AGBL4: variants seen among roughly 807,000 people sequenced by gnomAD.
AGBL4 encodes AGBL carboxypeptidase 4.
Under a neutral mutation model 66.4 loss-of-function variants are expected in AGBL4, and 58 were observed. The observed-to-expected ratio is 0.87, with a 90% CI of 0.71 to 1.09. The LOEUF is 1.09. AGBL4 is among the 50% of genes least tolerant of loss of function. The probability of loss-of-function intolerance (pLI) is 0.00; values close to 1 mark genes in which losing one functional copy is unlikely to be tolerated. For missense variants in AGBL4, 579 were observed against 631.0 expected (o/e 0.92, Z 0.88); for synonymous variants, 234 against 222.9 (o/e 1.05, Z -0.44).
At chr1:49,845,648 C>A in intron 2 of AGBL4, 1 of 1,608,190 alleles carries the variant, frequency 6.2e-7, no homozygotes. Flanking sequence ...AGGACCCACA[C>A]AGGAGAAAAG....
chr1:48,865,387 C>T (rs1647945341), intron 6 of AGBL4, among the ~76,000 whole-genome samples: 1 of 152,130 alleles, frequency 6.6e-6, no homozygotes, highest in African/African-American at 2.4e-5. Flanking sequence ...ACCTGTGTCC[C>T]TGAGAGCTGA....
At chr1:49,457,569 G>A (rs1054786906) in intron 3 of AGBL4, among the ~76,000 whole-genome samples, 1 of 151,560 alleles carries the variant, frequency 6.6e-6, no homozygotes, top group African/African-American at 2.4e-5. Flanking sequence ...GTTTAACTCG[G>A]TTCCATCTTT....
chr1:48,715,587 A>C (rs142379474), intron 6 of AGBL4, among the ~76,000 whole-genome samples: 1 of 152,170 alleles, frequency 6.6e-6, no homozygotes, highest in Admixed American at 6.5e-5. Context: ...TGAGTGAATA[A>C]ACATTTGAGA....
chr1:49,570,247 C>T (rs1181978779), intron 3 of AGBL4, among the ~76,000 whole-genome samples: 1 of 152,012 alleles, frequency 6.6e-6, no homozygotes, highest in Non-Finnish European at 1.5e-5. Flanking sequence ...ACATCTGTTG[C>T]TGACTTTTTA....
intron 2 of AGBL4, among the ~76,000 whole-genome samples, chr1:49,702,230 C>T (rs1227988388): frequency 6.6e-6 from 1 of 152,122 alleles, no homozygotes; most frequent in East Asian, 1.9e-4. Context: ...TGGTGGCTCA[C>T]ACCTGTAATC....
At chr1:49,697,635 G>A (rs1042651977) in intron 2 of AGBL4, among the ~76,000 whole-genome samples, 198 bp from the exon 3 acceptor site, 1 of 152,102 alleles carries the variant, frequency 6.6e-6, no homozygotes, top group Non-Finnish European at 1.5e-5. Flanking sequence ...GCCAGGCTGT[G>A]GTGCAAGCTT....
intron 3 of AGBL4, among the ~76,000 whole-genome samples, chr1:49,261,232 C>T (rs567175317): frequency 6.6e-6 from 1 of 151,250 alleles, no homozygotes; most frequent in African/African-American, 2.4e-5. Flanking sequence ...GGAAGCATTC[C>T]CTTTGAAAAC....
chr1:49,334,039 T>C (rs1645386419), intron 3 of AGBL4, among the ~76,000 whole-genome samples: 1 of 152,172 alleles, frequency 6.6e-6, no homozygotes. Flanking sequence ...GTCTAGACAC[T>C]ATCATCTGTT....
chr1:49,759,272 T>C (rs1652127159), intron 2 of AGBL4, among the ~76,000 whole-genome samples: 2 of 152,206 alleles, frequency 1.3e-5, no homozygotes. Flanking sequence ...TACCTCTCTG[T>C]AGTTTTCTTC....
At chr1:49,302,906 C>A (rs893562529) in intron 3 of AGBL4, among the ~76,000 whole-genome samples, 7 of 151,946 alleles carry the variant, frequency 4.6e-5, no homozygotes, top group Admixed American at 1.3e-4. Context: ...TAAGTGAGAA[C>A]ATGTAGTGTT....
chr1:48,904,044 T>C (rs888371272), intron 5 of AGBL4, among the ~76,000 whole-genome samples: 3 of 152,086 alleles, frequency 2.0e-5, no homozygotes, highest in African/African-American at 7.2e-5. Flanking sequence ...TTTGGGAGGC[T>C]AACGTGGGTG....
intron 4 of AGBL4, among the ~76,000 whole-genome samples, chr1:49,164,140 C>T (rs1646590473): frequency 6.6e-6 from 1 of 151,996 alleles, no homozygotes; most frequent in African/African-American, 2.4e-5. Flanking sequence ...AAAATAGTTC[C>T]AGCAATATAT....
At chr1:48,532,577 A>G (rs939070665), downstream of AGBL4, among the ~76,000 whole-genome samples, 5 of 152,168 alleles carry the variant, frequency 3.3e-5, no homozygotes, top group African/African-American at 1.2e-4. Context: ...ATCTTATGCA[A>G]TCTGCCTCTT....
In AGBL4 at chr1:48,533,983, A is replaced by G; in HGVS notation, c.*190T>C. The G allele has an allele frequency of 1.1e-6, 1 of 906,830 alleles. No individual in the cohort carries two copies. The allele number at this position is 906,830 out of a possible 1,614,324, so 56.2% of individuals were successfully genotyped here. On this transcript the variant is annotated 3_prime_UTR_variant, in exon 14 of 14. Coordinates refer to ENST00000371839, the MANE Select transcript of AGBL4 (RefSeq NM_032785.4). ...TTTGTTCCTGAGCTTTTTGAGCTGA[A>G]GGCTTACAATTGATTTTCCATTGGA...
rs183179575 is a variant in AGBL4 at position 49,688,055 on chromosome 1, T to C, written c.282+9258A>G. On this transcript the variant is annotated intron_variant, in intron 3 of 13. Coordinates refer to ENST00000371839, the MANE Select transcript of AGBL4 (RefSeq NM_032785.4). ...GTATGCATCCCTCAAGCATTTATCCTTTGTCTTATAAGCAATCCAATTATA... is the reference window on the plus strand; with the variant it reads ...GTATGCATCCCTCAAGCATTTATCCCTTGTCTTATAAGCAATCCAATTATA... Among the ~76,000 whole-genome samples the C allele has an allele frequency of 5.4e-3, 824 of 152,336 alleles. 12 individuals carry two copies. Among genetic ancestry groups the C allele is most frequent in the Non-Finnish European group, 5.6e-3 (384 of 68,030 alleles).
chr1:49,820,520 G>A (rs996124967), intron 2 of AGBL4, among the ~76,000 whole-genome samples: 6 of 152,026 alleles, frequency 3.9e-5, no homozygotes, highest in Admixed American at 6.6e-5. Context: ...CCTCCATTAC[G>A]GAGGAATAAG....
At chr1:48,649,489 C>T (rs1455221982) in intron 8 of AGBL4, among the ~76,000 whole-genome samples, 1 of 152,166 alleles carries the variant, frequency 6.6e-6, no homozygotes, top group Non-Finnish European at 1.5e-5. Context: ...TATATTGCTG[C>T]TATAAACTTT....
chr1:49,166,826 A>C (rs1646643697), intron 4 of AGBL4, among the ~76,000 whole-genome samples: 4 of 152,216 alleles, frequency 2.6e-5, no homozygotes, highest in Middle Eastern at 3.4e-3. Context: ...CTTAGCCTTG[A>C]CCTCTTGCAC....
intron 2 of AGBL4, among the ~76,000 whole-genome samples, chr1:49,749,536 A>G (rs984311331): frequency 6.6e-6 from 1 of 152,206 alleles, no homozygotes; most frequent in East Asian, 1.9e-4. Context: ...TACTTGAGCC[A>G]ACAAATAAAT....
Sources: gnomAD v4.1 joint callset for allele counts (sites outside exome capture counted in the v4.1 genomes callset) on GRCh38, gnomAD v4.1.1 for gene constraint, MANE v1.5 for transcripts, NCBI Gene and HGNC (gene_info 2026-07-23, HGNC 2026-07-21) for gene names.